Variants in RBFOX1 observed in about 807,000 individuals in gnomAD.
The protein encoded by RBFOX1 is RNA binding fox-1 homolog 1.
Under a neutral mutation model 57.7 loss-of-function variants are expected in RBFOX1, and 8 were observed. The ratio of observed to expected loss-of-function variants is 0.14; its 90% CI spans 0.08 to 0.25. The LOEUF (loss-of-function observed/expected upper bound fraction) is 0.25, where lower values mean the gene tolerates loss of function less well. Among genes scored for constraint, RBFOX1 ranks in the 10% least tolerant of loss-of-function variants. The pLI, the probability that RBFOX1 is intolerant of heterozygous loss-of-function variation, is 1.00. For synonymous variants in RBFOX1, 326 were observed against 222.4 expected, an observed-to-expected ratio of 1.47 and a Z score of -4.15; for missense variants, 611 against 548.5, an observed-to-expected ratio of 1.11 and a Z score of -1.14.
chr16:6,957,709 C>G (rs1045691522), intron 3 of RBFOX1, among the ~76,000 whole-genome samples: 2 of 152,120 alleles, frequency 1.3e-5, no homozygotes, highest in African/African-American at 2.4e-5. Flanking sequence ...CCCAGCAGGT[C>G]TCAGCGTCAT....
chr16:6,728,144 C>T (rs1488280241), intron 3 of RBFOX1, among the ~76,000 whole-genome samples: 2 of 152,154 alleles, frequency 1.3e-5, no homozygotes, highest in Non-Finnish European at 2.9e-5. Flanking sequence ...CTTTTGTTTT[C>T]ATATCCATTC....
intron 3 of RBFOX1, among the ~76,000 whole-genome samples, chr16:6,988,765 G>GT (rs1399946853): frequency 7.8e-6 from 1 of 128,994 alleles, no homozygotes; most frequent in African/African-American, 3.2e-5. Flanking sequence ...TTTGTTTTTT[G>GT]TTTTTTGTTT....
intron 4 of RBFOX1, among the ~76,000 whole-genome samples, chr16:7,206,611 C>T (rs1281240822): frequency 1.3e-5 from 2 of 152,186 alleles, no homozygotes; most frequent in Non-Finnish European, 2.9e-5. Context: ...ATATCGTACT[C>T]AAGTTGAAGT....
At chr16:7,042,422 G>C (rs562029787) in intron 3 of RBFOX1, among the ~76,000 whole-genome samples, 1 of 152,068 alleles carries the variant, frequency 6.6e-6, no homozygotes, top group African/African-American at 2.4e-5. Flanking sequence ...CTATCTTTAC[G>C]GTTTTAGGAA....
intron 5 of RBFOX1, among the ~76,000 whole-genome samples, chr16:7,524,137 G>C (rs1488492377): frequency 6.6e-6 from 1 of 152,192 alleles, no homozygotes. Context: ...ACATCGTAGA[G>C]GCCATTATTT....
chr16:6,555,170 C>G (rs190198814), intron 2 of RBFOX1, among the ~76,000 whole-genome samples: 2 of 152,276 alleles, frequency 1.3e-5, no homozygotes, highest in African/African-American at 2.4e-5. Flanking sequence ...ATCATAAATA[C>G]TCTTTTAAAA....
At chr16:5,476,061 A>C (rs1402793556) in intron 2 of RBFOX1, among the ~76,000 whole-genome samples, 1 of 152,118 alleles carries the variant, frequency 6.6e-6, no homozygotes, top group African/African-American at 2.4e-5. Flanking sequence ...CCTTGTTTCC[A>C]GCCACAGTGC....
Position 5,706,984 on chromosome 16 carries a change from C to T in RBFOX1, c.318+108023C>T, listed in dbSNP as rs116982846. ...CAGGGAGAAGAAGCCAAGCGTCCTG[C>T]GTAAAAGCAATTATTTGTCTGAATG... On this transcript the variant is annotated intron_variant, in intron 3 of 19. Transcript: ENST00000641259. 4.1e-4 allele frequency among the ~76,000 whole-genome samples: 63 copies of T among 152,196 alleles called. 1 individual carries two copies. The East Asian group carries it at 0.011, about 27-fold the overall frequency.
chr16:5,364,044 C>A (rs1434283144), intron 1 of RBFOX1, among the ~76,000 whole-genome samples: 1 of 152,206 alleles, frequency 6.6e-6, no homozygotes, highest in Non-Finnish European at 1.5e-5. Context: ...CCTTCTCTCC[C>A]TCAGCGATTC....
intron 2 of RBFOX1, among the ~76,000 whole-genome samples, chr16:6,431,900 T>G (rs11646655): frequency 0.14 from 9,570 of 70,534 alleles, 256 homozygotes; most frequent in Middle Eastern, 0.19. Flanking sequence ...TTGCTTGCTT[T>G]CTTTCTTTCT....
intron 4 of RBFOX1, among the ~76,000 whole-genome samples, chr16:7,301,078 T>G (rs950991328): frequency 6.6e-6 from 1 of 152,188 alleles, no homozygotes; most frequent in Non-Finnish European, 1.5e-5. Context: ...TCAGTCTCTT[T>G]TGAGATGGAA....
At chr16:7,007,836 C>T (rs2093390886) in intron 3 of RBFOX1, among the ~76,000 whole-genome samples, 1 of 152,146 alleles carries the variant, frequency 6.6e-6, no homozygotes, top group Non-Finnish European at 1.5e-5. Context: ...TTCTGTAGCC[C>T]ACCTAGTGGA....
intron 3 of RBFOX1, among the ~76,000 whole-genome samples, chr16:6,808,800 C>G (rs920359011): frequency 1.3e-5 from 2 of 152,158 alleles, no homozygotes; most frequent in Non-Finnish European, 2.9e-5. Context: ...TTCTCCCAGT[C>G]ATAACATACA....
At chr16:7,293,558 A>G (rs534997004) in intron 4 of RBFOX1, among the ~76,000 whole-genome samples, 1 of 152,316 alleles carries the variant, frequency 6.6e-6, no homozygotes, top group East Asian at 1.9e-4. Flanking sequence ...AATGGAACCC[A>G]GAGACAGGGA....
intron 4 of RBFOX1, among the ~76,000 whole-genome samples, chr16:7,397,279 T>G (rs547135896): frequency 3.9e-5 from 6 of 152,348 alleles, no homozygotes; most frequent in African/African-American, 1.4e-4. Flanking sequence ...ATCTGGGGTG[T>G]ATTTAAAATG....
At chr16:5,577,228 A>G (rs533706600) in intron 2 of RBFOX1, among the ~76,000 whole-genome samples, 2 of 152,306 alleles carry the variant, frequency 1.3e-5, no homozygotes, top group South Asian at 2.1e-4. Flanking sequence ...TACTTTTGCA[A>G]CGATCTAAGA....
intron 4 of RBFOX1, among the ~76,000 whole-genome samples, chr16:7,274,973 T>C (rs566362834): frequency 1.3e-5 from 2 of 152,274 alleles, no homozygotes; most frequent in South Asian, 4.1e-4. Context: ...TGTGAGTCAC[T>C]GCACCTGCCC....
At chr16:6,122,632 A>G (rs1039608261) in intron 1 of RBFOX1, among the ~76,000 whole-genome samples, 2 of 152,102 alleles carry the variant, frequency 1.3e-5, no homozygotes, top group Non-Finnish European at 2.9e-5. Context: ...ATTGACTGAC[A>G]GTGGGTGGCC....
chr16:6,247,315 G>A (rs1240723985), intron 1 of RBFOX1, among the ~76,000 whole-genome samples: 1 of 152,140 alleles, frequency 6.6e-6, no homozygotes, highest in African/African-American at 2.4e-5. Context: ...CAAAGCCTTG[G>A]TCTTGAATCA....
Sources: gnomAD v4.1 joint callset for allele counts (sites outside exome capture counted in the v4.1 genomes callset) on GRCh38, gnomAD v4.1.1 for gene constraint, MANE v1.5 for transcripts, NCBI Gene and HGNC (gene_info 2026-07-23, HGNC 2026-07-21) for gene names.